The following PDE1C variants were observed in gnomAD, a reference collection of about 807,000 sequenced individuals.
PDE1C encodes phosphodiesterase 1C.
A neutral mutation model predicts 93.1 loss-of-function variants in PDE1C; 62 were observed. The observed-to-expected ratio is 0.67, with a 90% CI of 0.54 to 0.82. The LOEUF is 0.82. Ranked by LOEUF, PDE1C falls within the 40% of genes least tolerant of loss-of-function variation. PDE1C has a pLI of 0.00. For synonymous variants in PDE1C, 325 were observed against 310.1 expected (o/e 1.05, Z -0.50); for missense variants, 742 against 884.6 (o/e 0.84, Z 2.04).
chr7:32,298,958 G>C lies in PDE1C; in HGVS notation c.-223C>G, dbSNP rs1168693816. The C allele has an allele frequency of 7.6e-6, 10 of 1,308,482 alleles. No individual in the cohort carries two copies. In the African/African-American group the frequency reaches 1.3e-4, roughly 16 times the overall value. 81.1% of individuals were successfully genotyped at this position (1,308,482 alleles called of 1,614,324 possible). On this transcript the variant is annotated 5_prime_UTR_variant, in exon 1 of 19. Transcript: ENST00000396193. The stretch of plus-strand genomic sequence containing the variant: ...TAGGAGCTCGGCGGAGGCAGGAGCC[G>C]TCGCGACTGCCCCATCTCCAAGCCG...
intron 2 of PDE1C, among the ~76,000 whole-genome samples, chr7:31,963,283 C>T (rs1438754407): frequency 1.3e-5 from 2 of 152,156 alleles, no homozygotes; most frequent in Non-Finnish European, 2.9e-5. Flanking sequence ...CGATGTTTAA[C>T]ACCAAACGTT....
chr7:32,165,052 T>G (rs1237104766), intron 3 of PDE1C, among the ~76,000 whole-genome samples: 2 of 152,238 alleles, frequency 1.3e-5, no homozygotes, highest in African/African-American at 4.8e-5. Context: ...TTATTTGTGG[T>G]TCCCACTTTC....
chr7:31,715,747 G>A, the PDE1C span, among the ~76,000 whole-genome samples: 10 of 152,150 alleles, frequency 6.6e-5, no homozygotes, highest in Admixed American at 6.5e-4. Flanking sequence ...CCATAGTCCT[G>A]TGCATCTTAG....
At chr7:32,101,732 T>G (rs889061487) in intron 3 of PDE1C, among the ~76,000 whole-genome samples, 1 of 152,198 alleles carries the variant, frequency 6.6e-6, no homozygotes, top group Non-Finnish European at 1.5e-5. Flanking sequence ...CTTTATAAAT[T>G]TCCCAGTCTC....
At chr7:31,715,653 G>A in the PDE1C span, among the ~76,000 whole-genome samples, 7 of 152,172 alleles carry the variant, frequency 4.6e-5, no homozygotes, top group African/African-American at 1.7e-4. Flanking sequence ...AGCTTATGCT[G>A]GGCAACCTTG....
chr7:31,642,810 G>A, the PDE1C span: 1 of 1,613,810 alleles, frequency 6.2e-7, no homozygotes, highest in Middle Eastern at 1.7e-4. Flanking sequence ...CCAAAAGTAG[G>A]GCGAGCATGT....
At chr7:31,826,675 C>T (rs1432443936) in intron 12 of PDE1C, among the ~76,000 whole-genome samples, 2 of 152,132 alleles carry the variant, frequency 1.3e-5, no homozygotes, top group Non-Finnish European at 2.9e-5. Context: ...TCTGGAGAGG[C>T]CCCGTTACTA....
intron 16 of PDE1C, chr7:31,786,065 C>T (rs982419150): frequency 6.6e-6 from 1 of 152,126 alleles, no homozygotes; most frequent in African/African-American, 2.4e-5. Flanking sequence ...TCTAACTTTG[C>T]CATGGTTTGG....
At chr7:31,718,434 T>G in the PDE1C span, among the ~76,000 whole-genome samples, 1 of 152,152 alleles carries the variant, frequency 6.6e-6, no homozygotes, top group African/African-American at 2.4e-5. Context: ...AACCTGGCCC[T>G]CTCTGGACGT....
At chr7:31,911,423 A>G (rs533749647) in intron 2 of PDE1C, among the ~76,000 whole-genome samples, 1 of 152,178 alleles carries the variant, frequency 6.6e-6, no homozygotes, top group East Asian at 1.9e-4. Flanking sequence ...TACTGAAGTA[A>G]CCTCTGAGCT....
chr7:31,922,954 C>T (rs998824720), intron 2 of PDE1C, among the ~76,000 whole-genome samples: 2 of 152,122 alleles, frequency 1.3e-5, no homozygotes, highest in African/African-American at 4.8e-5. Context: ...TTTCTTTCTG[C>T]GTCTCTCTAT....
At chr7:32,413,600 G>C (rs1477242508) in intron 1 of PDE1C, among the ~76,000 whole-genome samples, 1 of 152,126 alleles carries the variant, frequency 6.6e-6, no homozygotes, top group Non-Finnish European at 1.5e-5. Flanking sequence ...CTGTTTAATA[G>C]GCACAGAGTT....
intron 2 of PDE1C, among the ~76,000 whole-genome samples, chr7:31,929,539 T>G (rs528161527): frequency 6.6e-6 from 1 of 152,204 alleles, no homozygotes; most frequent in African/African-American, 2.4e-5. Context: ...TATTTGGAAG[T>G]AAAACACTCC....
intron 2 of PDE1C, among the ~76,000 whole-genome samples, chr7:32,037,746 G>C (rs973981309): frequency 3.9e-5 from 6 of 152,082 alleles, no homozygotes; most frequent in African/African-American, 1.4e-4. Flanking sequence ...TATGTCATTA[G>C]CTCCTTGAGG....
At chr7:31,789,559 G>T in intron 16 of PDE1C, 1 of 691,984 alleles carries the variant, frequency 1.4e-6, no homozygotes, top group Non-Finnish European at 1.8e-6. Context: ...ACTAATGAAT[G>T]CACAGAGAAA....
intron 1 of PDE1C, among the ~76,000 whole-genome samples, chr7:32,309,736 G>A (rs536227006): frequency 2.0e-5 from 3 of 152,232 alleles, no homozygotes; most frequent in Non-Finnish European, 4.4e-5. Flanking sequence ...CCCTAAAAGA[G>A]CTCCTGAAGG....
intron 2 of PDE1C, among the ~76,000 whole-genome samples, chr7:31,955,464 T>C (rs1378322760): frequency 6.6e-6 from 1 of 152,324 alleles, no homozygotes; most frequent in African/African-American, 2.4e-5. Flanking sequence ...AAATATGAGC[T>C]AATCTTATAA....
chr7:32,272,505 A>G (rs1027739520), intron 1 of PDE1C, among the ~76,000 whole-genome samples: 50 of 152,336 alleles, frequency 3.3e-4, no homozygotes, highest in African/African-American at 9.1e-4. Context: ...CTCAAAGCCA[A>G]TGTTTATTGC....
At chr7:32,122,230 T>C (rs1799341403) in intron 3 of PDE1C, among the ~76,000 whole-genome samples, 1 of 152,202 alleles carries the variant, frequency 6.6e-6, no homozygotes, top group South Asian at 2.1e-4. Flanking sequence ...AATAAGTTCT[T>C]AGAGACCTAC....
Sources: allele counts gnomAD v4.1 joint callset (sites outside exome capture counted in the v4.1 genomes callset), GRCh38; gene constraint gnomAD v4.1.1; transcripts MANE v1.5; gene names NCBI Gene and HGNC (gene_info 2026-07-23, HGNC 2026-07-21).